Variants in POLN observed in about 807,000 individuals in gnomAD.
The protein encoded by POLN is DNA polymerase N.
POLN carries 108 observed loss-of-function variants against 113.5 expected under a neutral mutation model. The observed-to-expected ratio is 0.95, with a 90% CI of 0.81 to 1.12. The LOEUF (loss-of-function observed/expected upper bound fraction) is 1.12, where lower values mean the gene tolerates loss of function less well. POLN is among the 50% of genes most tolerant of loss of function. The pLI, the probability that POLN is intolerant of heterozygous loss-of-function variation, is 0.00. For synonymous variants in POLN, 386 were observed against 391.5 expected (o/e 0.99, Z 0.17); for missense variants, 1,097 against 1,077.1 (o/e 1.02, Z -0.26).
intron 5 of POLN, among the ~76,000 whole-genome samples, chr4:2,207,407 T>C (rs1163051659): frequency 1.3e-5 from 2 of 152,018 alleles, no homozygotes; most frequent in Admixed American, 6.6e-5. Flanking sequence ...TCAATAGAGA[T>C]CAAATTTAAA....
Position 2,242,070 on chromosome 4 carries a change from T to C in POLN, c.-303A>G. 1.0e-6 allele frequency: 1 copy of C among 985,760 alleles called. No homozygotes were observed. Among genetic ancestry groups the C allele is most frequent in the Non-Finnish European group, 1.2e-6 (1 of 830,168 alleles). 61.1% of individuals were successfully genotyped at this position (985,760 alleles called of 1,614,324 possible). On this transcript the variant is annotated 5_prime_UTR_variant, in exon 1 of 26. Coordinates refer to ENST00000511885, the MANE Select transcript of POLN (RefSeq NM_181808.4). The stretch of plus-strand genomic sequence containing the variant: ...AGTCACCTCAGGAAGTTCCGCTTGC[T>C]TCTCGCAGGAGCCCGCCGCCACCGC...
At chr4:2,145,785 G>A (rs1732123351) in intron 16 of POLN, among the ~76,000 whole-genome samples, 1 of 152,082 alleles carries the variant, frequency 6.6e-6, no homozygotes, top group Admixed American at 6.6e-5. Flanking sequence ...AGGCAATACT[G>A]GTGAGGTGCT....
At chr4:2,202,114 T>C (rs953159788) in intron 5 of POLN, among the ~76,000 whole-genome samples, 6 of 151,586 alleles carry the variant, frequency 4.0e-5, no homozygotes, top group East Asian at 1.9e-4. Context: ...AAAAATACAA[T>C]TAAAAAAACA....
chr4:2,204,363 A>C (rs1294120629), intron 5 of POLN, among the ~76,000 whole-genome samples: 1 of 152,190 alleles, frequency 6.6e-6, no homozygotes, highest in Non-Finnish European at 1.5e-5. Flanking sequence ...AATTCTTGGA[A>C]AGATACAACC....
At chr4:2,225,393 A>G (rs1050546228) in intron 3 of POLN, among the ~76,000 whole-genome samples, 1 of 152,002 alleles carries the variant, frequency 6.6e-6, no homozygotes, top group African/African-American at 2.4e-5. Context: ...CGTCTCTACT[A>G]AAAATACAAA....
At chr4:2,128,829 T>C (rs473391) in intron 18 of POLN, among the ~76,000 whole-genome samples, 127,860 of 152,112 alleles carry the variant, frequency 0.84, 54,341 homozygotes, top group Non-Finnish European at 0.9. Flanking sequence ...CCAAGGCAGG[T>C]GGATCACCTG....
intron 20 of POLN, among the ~76,000 whole-genome samples, chr4:2,094,951 T>C (rs1730749694): frequency 6.6e-6 from 1 of 152,000 alleles, no homozygotes; most frequent in Non-Finnish European, 1.5e-5. Context: ...CTTTTCAGGG[T>C]CTTTGCACAA....
Position 2,213,223 on chromosome 4 carries a change from T to C in POLN, c.134-97A>G. The C allele has an allele frequency of 6.2e-6, 4 of 646,676 alleles. No individual in the cohort carries two copies. In the East Asian group the frequency reaches 1.2e-4, roughly 19 times the overall value. 40.1% of individuals were successfully genotyped at this position (646,676 alleles called of 1,614,324 possible). ...AACACTGAAATAACCTCTATAATCA[T>C]GCTTATTTATTCATTATTAACTTAC... On this transcript the variant is annotated intron_variant, in intron 3 of 25. Coordinates refer to ENST00000511885, the MANE Select transcript of POLN (RefSeq NM_181808.4).
rs551261583 is a variant in POLN at position 2,181,496 on chromosome 4, C to T, written c.1022-2031G>A. Among the ~76,000 whole-genome samples, 7 of 128,394 alleles carry T rather than the reference C, an allele frequency of 5.5e-5. No individual in the cohort carries two copies. The Middle Eastern group carries it at 0.012, about 217-fold the overall frequency. 84.2% of individuals were successfully genotyped at this position (128,394 alleles called of 152,430 possible). ...TAAAAAAGAATCAAGTCCAACAGAACTTAAAAATAAAATAAAATAAAATTT... is the reference window on the plus strand; with the variant it reads ...TAAAAAAGAATCAAGTCCAACAGAATTTAAAAATAAAATAAAATAAAATTT... On this transcript the variant is annotated intron_variant, in intron 7 of 25. Transcript: ENST00000511885.
In POLN at chr4:2,231,858, T is replaced by A. The variant is rs999459668; in HGVS notation, c.-12-2615A>T. On this transcript the variant is annotated intron_variant, in intron 2 of 25. Coordinates refer to ENST00000511885, the MANE Select transcript of POLN (RefSeq NM_181808.4). Reference sequence around the variant, plus strand: ...ACCTCAAATTTTAAAAATTTAGTAGTGTTTATTATACACAGTCTTCTAATA... The same window carrying A: ...ACCTCAAATTTTAAAAATTTAGTAGAGTTTATTATACACAGTCTTCTAATA... The A allele has an allele frequency of 3.3e-5, 23 of 687,238 alleles. No homozygotes were observed. The African/African-American group carries it at 3.4e-4, about 10-fold the overall frequency. 42.6% of individuals were successfully genotyped at this position (687,238 alleles called of 1,614,324 possible).
intron 24 of POLN, among the ~76,000 whole-genome samples, chr4:2,074,124 G>A (rs1283869866): frequency 1.3e-5 from 2 of 152,228 alleles, no homozygotes; most frequent in East Asian, 1.9e-4. Flanking sequence ...GTGGGGTGGT[G>A]CTGTTGACTG....
chr4:2,072,338 C>T (rs1368801305), intron 25 of POLN, 39 bp from the exon 26 acceptor site: 3 of 1,454,588 alleles, frequency 2.1e-6, no homozygotes, highest in African/African-American at 1.4e-5. Context: ...ACGCCTGGGC[C>T]AGCCACCCCC....
At chr4:2,089,124 T>C (rs1270395815) in intron 20 of POLN, 1 of 1,173,558 alleles carries the variant, frequency 8.5e-7, no homozygotes. Context: ...GGGTTTTTTT[T>C]ATAAGGACCC....
intron 6 of POLN, among the ~76,000 whole-genome samples, chr4:2,196,501 TA>T (rs1185382115): frequency 1.3e-5 from 2 of 152,078 alleles, no homozygotes; most frequent in African/African-American, 4.8e-5. Context: ...TAGAAAAAAC[TA>T]GGGACATGGC....
intron 20 of POLN, among the ~76,000 whole-genome samples, chr4:2,091,571 G>C (rs922616020): frequency 7.9e-5 from 12 of 152,122 alleles, no homozygotes; most frequent in Admixed American, 7.9e-4. Context: ...CCATGCTTCC[G>C]CTGGACTGCT....
Position 2,176,317 on chromosome 4 carries a change from C to T in POLN, c.1197G>A (p.Glu399=). ...SRNIVNQNVR[E]NLKTLYRLTM... ...TAAGTCTGTAGAGTGTCTTCAGGTT[C>T]TCACGTACATTCTGATTCTTTAAAA... Residue 399 remains glutamate (E), a synonymous_variant, in exon 9 of 26, where the codon GAG becomes GAA. Coordinates refer to ENST00000511885, the MANE Select transcript of POLN (RefSeq NM_181808.4). The T allele has an allele frequency of 6.3e-7, 1 of 1,598,102 alleles. No homozygotes were observed. The highest frequency in any genetic ancestry group is 1.7e-4 in the Middle Eastern group (1 of 6,028).
chr4:2,157,020 C>A (rs917642143), intron 15 of POLN, among the ~76,000 whole-genome samples, 167 bp from the exon 16 acceptor site: 4 of 152,154 alleles, frequency 2.6e-5, no homozygotes, highest in Non-Finnish European at 5.9e-5. Context: ...TTACAAAACT[C>A]CTGACACGTG....
chr4:2,200,442 C>A (rs1577765559), intron 5 of POLN, among the ~76,000 whole-genome samples: 1 of 152,140 alleles, frequency 6.6e-6, no homozygotes, highest in African/African-American at 2.4e-5. Context: ...ACCCACAGAT[C>A]CTTTGAAGGA....
At chr4:2,141,734 G>A (rs1431147910) in intron 16 of POLN, among the ~76,000 whole-genome samples, 1 of 152,148 alleles carries the variant, frequency 6.6e-6, no homozygotes, top group African/African-American at 2.4e-5. Flanking sequence ...GAAAACATGG[G>A]CAGCCTTGGT....
Sources: allele counts gnomAD v4.1 joint callset (sites outside exome capture counted in the v4.1 genomes callset), GRCh38; gene constraint gnomAD v4.1.1; transcripts MANE v1.5; gene names NCBI Gene and HGNC (gene_info 2026-07-23, HGNC 2026-07-21).